The following ABTB3 variants were observed in gnomAD, a reference collection of about 807,000 sequenced individuals.
ABTB3 encodes the protein ankyrin repeat and BTB domain containing 3.
chr12:107,581,422 G>A, the ABTB3 span: 1 of 809,552 alleles, frequency 1.2e-6, no homozygotes, highest in Admixed American at 4.6e-5. Flanking sequence ...CGGCGGCGCT[G>A]GGGTGGAGGC....
chr12:107,336,967 A>G, the ABTB3 span, among the ~76,000 whole-genome samples: 1 of 152,248 alleles, frequency 6.6e-6, no homozygotes, highest in Non-Finnish European at 1.5e-5. Flanking sequence ...CTTCCTGCAT[A>G]TTTCTGAATT....
At chr12:107,500,109 A>T in the ABTB3 span, among the ~76,000 whole-genome samples, 1 of 152,162 alleles carries the variant, frequency 6.6e-6, no homozygotes, top group Non-Finnish European at 1.5e-5. Context: ...TGCGGCGATT[A>T]CAATTTGAGA....
chr12:107,580,766 G>GTT, the ABTB3 span: 1 of 1,443,386 alleles, frequency 6.9e-7, no homozygotes, highest in Non-Finnish European at 9.2e-7. Flanking sequence ...ACGGGGCGCT[G>GTT]ATTGGTTTTC....
At chr12:107,373,343 T>G in the ABTB3 span, among the ~76,000 whole-genome samples, 1 of 151,792 alleles carries the variant, frequency 6.6e-6, no homozygotes, top group Non-Finnish European at 1.5e-5. Context: ...TGTAGGAAAA[T>G]ATATGAGAAG....
At chr12:107,554,168 T>A in the ABTB3 span, among the ~76,000 whole-genome samples, 5 of 152,230 alleles carry the variant, frequency 3.3e-5, no homozygotes, top group African/African-American at 1.2e-4. Flanking sequence ...ATGTCTCACC[T>A]GCAGATGAGA....
At chr12:107,647,273 T>TA in the ABTB3 span, among the ~76,000 whole-genome samples, 1 of 152,158 alleles carries the variant, frequency 6.6e-6, no homozygotes, top group Non-Finnish European at 1.5e-5. Flanking sequence ...GAGGTTGCAG[T>TA]AAGCTATGAT....
the ABTB3 span, among the ~76,000 whole-genome samples, chr12:107,434,633 C>T: frequency 3.9e-5 from 6 of 152,022 alleles, no homozygotes; most frequent in East Asian, 1.9e-4. Flanking sequence ...GAGGCTGAGG[C>T]GGGAGGATTG....
At chr12:107,610,228 C>T in the ABTB3 span, 11 of 1,614,144 alleles carry the variant, frequency 6.8e-6, no homozygotes, top group East Asian at 4.5e-5. Flanking sequence ...AAGCTGGATG[C>T]GGTGGCCATC....
the ABTB3 span, among the ~76,000 whole-genome samples, chr12:107,602,101 C>T: frequency 6.6e-6 from 1 of 152,162 alleles, no homozygotes; most frequent in African/African-American, 2.4e-5. Context: ...GAATCAGAGA[C>T]AAAAAGGAGG....
the ABTB3 span, among the ~76,000 whole-genome samples, chr12:107,475,905 A>T: frequency 6.6e-6 from 1 of 150,914 alleles, no homozygotes; most frequent in South Asian, 2.1e-4. Flanking sequence ...TCAGGATGGG[A>T]CCCTCCTGGC....
chr12:107,526,805 C>T, the ABTB3 span, among the ~76,000 whole-genome samples: 2 of 152,064 alleles, frequency 1.3e-5, no homozygotes, highest in South Asian at 2.1e-4. Flanking sequence ...AAGAAGAAAA[C>T]GCAAACCCAC....
At chr12:107,465,277 C>T in the ABTB3 span, among the ~76,000 whole-genome samples, 10 of 152,116 alleles carry the variant, frequency 6.6e-5, no homozygotes, top group African/African-American at 2.2e-4. Flanking sequence ...AGGAAGGCAC[C>T]GCATGTCAAA....
the ABTB3 span, among the ~76,000 whole-genome samples, chr12:107,397,800 C>G: frequency 2.0e-5 from 3 of 152,054 alleles, no homozygotes; most frequent in Non-Finnish European, 4.4e-5. Flanking sequence ...AGATGGGGGT[C>G]TAATCTAATT....
chr12:107,533,290 T>G, the ABTB3 span, among the ~76,000 whole-genome samples: 2 of 152,274 alleles, frequency 1.3e-5, no homozygotes, highest in East Asian at 1.9e-4. Flanking sequence ...CAACCTTGAA[T>G]GTAAATAGTT....
At chr12:107,488,797 A>G in the ABTB3 span, among the ~76,000 whole-genome samples, 18 of 152,024 alleles carry the variant, frequency 1.2e-4, no homozygotes, top group Non-Finnish European at 2.2e-4. Flanking sequence ...TGAAGAGAGG[A>G]ATTGGGCAGG....
the ABTB3 span, among the ~76,000 whole-genome samples, chr12:107,430,505 G>A: frequency 6.6e-6 from 1 of 152,144 alleles, no homozygotes; most frequent in Non-Finnish European, 1.5e-5. Context: ...TGGCTTTCAA[G>A]GTTGACTATC....
chr12:107,654,103 T>C, the ABTB3 span, among the ~76,000 whole-genome samples: 4 of 152,210 alleles, frequency 2.6e-5, no homozygotes, highest in Admixed American at 2.6e-4. Context: ...ATTCGTATAG[T>C]AGCACGTGTC....
the ABTB3 span, among the ~76,000 whole-genome samples, chr12:107,464,337 G>T: frequency 2.4e-4 from 37 of 151,660 alleles, no homozygotes; most frequent in African/African-American, 9.0e-4. Flanking sequence ...TTGAGACAGG[G>T]TTTCACTCTG....
At chr12:107,632,613 G>A in the ABTB3 span, among the ~76,000 whole-genome samples, 6 of 152,204 alleles carry the variant, frequency 3.9e-5, no homozygotes, top group Non-Finnish European at 5.9e-5. Flanking sequence ...ATTCAGAGGC[G>A]TAAGGCAACA....
Sources: gnomAD v4.1 joint callset for allele counts (sites outside exome capture counted in the v4.1 genomes callset) on GRCh38, gnomAD v4.1.1 for gene constraint, MANE v1.5 for transcripts, NCBI Gene and HGNC (gene_info 2026-07-23, HGNC 2026-07-21) for gene names.